The following CDH13 variants were observed in gnomAD, a reference collection of about 807,000 sequenced individuals.
The protein encoded by CDH13 is cadherin 13, also known as cadherin-13.
CDH13 carries 24 observed loss-of-function variants against 63.8 expected under a neutral mutation model. The ratio of observed to expected loss-of-function variants is 0.38; its 90% CI spans 0.27 to 0.53. CDH13 has a LOEUF of 0.53. Ranked by LOEUF, CDH13 falls within the 20% of genes least tolerant of loss-of-function variation. The pLI is 0.85. For synonymous variants in CDH13, 503 were observed against 355.3 expected, an observed-to-expected ratio of 1.42 and a Z score of -4.67; for missense variants, 1,049 against 903.1, an observed-to-expected ratio of 1.16 and a Z score of -2.07.
intron 2 of CDH13, chr16:82,859,141 C>G (rs1323991634): frequency 1.3e-5 from 2 of 152,154 alleles, no homozygotes; most frequent in Non-Finnish European, 1.5e-5. Flanking sequence ...AAATGCATAA[C>G]AAGTACAGTT....
chr16:83,560,923 AG>A (rs2075694198), intron 7 of CDH13, among the ~76,000 whole-genome samples: 1 of 150,620 alleles, frequency 6.6e-6, no homozygotes, highest in Non-Finnish European at 1.5e-5. Flanking sequence ...CCAGGGGCTG[AG>A]GGTTGGGCAG....
intron 5 of CDH13, among the ~76,000 whole-genome samples, chr16:83,308,343 C>A (rs777010824): frequency 6.6e-6 from 1 of 152,074 alleles, no homozygotes; most frequent in Non-Finnish European, 1.5e-5. Context: ...GCTAGTTGAT[C>A]GAGAAAATAT....
At chr16:82,969,478 C>CTTTTTT (rs10652088) in intron 2 of CDH13, among the ~76,000 whole-genome samples, 1 of 131,180 alleles carries the variant, frequency 7.6e-6, no homozygotes, top group African/African-American at 2.8e-5. Flanking sequence ...TCTGCATATT[C>CTTTTTT]TTTTTTTTTT....
intron 5 of CDH13, among the ~76,000 whole-genome samples, chr16:83,302,346 G>A (rs1379805169): frequency 1.3e-5 from 2 of 152,154 alleles, no homozygotes; most frequent in Non-Finnish European, 2.9e-5. Flanking sequence ...ATAATTCCAT[G>A]GCAATCAAAT....
intron 6 of CDH13, among the ~76,000 whole-genome samples, chr16:83,459,613 C>G (rs1011579619): frequency 2.6e-5 from 4 of 152,196 alleles, no homozygotes; most frequent in Non-Finnish European, 4.4e-5. Flanking sequence ...AAATGGCTGA[C>G]AGATTCGCAG....
chr16:83,239,777 C>T (rs2151813323), intron 5 of CDH13, among the ~76,000 whole-genome samples: 1 of 152,230 alleles, frequency 6.6e-6, no homozygotes, highest in African/African-American at 2.4e-5. Flanking sequence ...AGTTTCCACC[C>T]TCAGGGAACT....
At chr16:82,739,148 A>G (rs919950673) in intron 1 of CDH13, among the ~76,000 whole-genome samples, 2 of 152,218 alleles carry the variant, frequency 1.3e-5, no homozygotes, top group African/African-American at 4.8e-5. Context: ...ATAACATTTT[A>G]TTCTTTACAA....
At chr16:83,269,715 A>C (rs1248731343) in intron 5 of CDH13, among the ~76,000 whole-genome samples, 2 of 152,148 alleles carry the variant, frequency 1.3e-5, no homozygotes, top group Non-Finnish European at 2.9e-5. Flanking sequence ...CCATGACATC[A>C]TCCTCTTTGA....
intron 5 of CDH13, among the ~76,000 whole-genome samples, chr16:83,283,617 G>T (rs916816122): frequency 6.6e-6 from 1 of 152,140 alleles, no homozygotes; most frequent in East Asian, 1.9e-4. Flanking sequence ...ACAGGAGATT[G>T]TAATGTGCAG....
At chr16:82,982,414 T>C (rs1250093734) in intron 2 of CDH13, among the ~76,000 whole-genome samples, 2 of 152,218 alleles carry the variant, frequency 1.3e-5, no homozygotes, top group East Asian at 1.9e-4. Flanking sequence ...TTATCATACA[T>C]TTCTGGAGCT....
intron 4 of CDH13, among the ~76,000 whole-genome samples, chr16:83,172,107 ATT>A (rs2037943971): frequency 6.6e-6 from 1 of 152,138 alleles, no homozygotes; most frequent in Non-Finnish European, 1.5e-5. Flanking sequence ...AACTGAGGTC[ATT>A]TGAGTAGACC....
intron 11 of CDH13, among the ~76,000 whole-genome samples, chr16:83,759,142 C>T (rs904997275): frequency 9.9e-5 from 15 of 152,144 alleles, no homozygotes; most frequent in Admixed American, 2.6e-4. Flanking sequence ...TATATCCAGA[C>T]GTATTAGAAA....
intron 6 of CDH13, among the ~76,000 whole-genome samples, chr16:83,467,613 A>G (rs867286938): frequency 2.6e-4 from 39 of 152,296 alleles, no homozygotes; most frequent in Admixed American, 1.6e-3. Context: ...CTGACGCTGA[A>G]ACTTTCTTTG....
chr16:83,183,132 A>G (rs1304494819), intron 4 of CDH13, among the ~76,000 whole-genome samples: 1 of 152,226 alleles, frequency 6.6e-6, no homozygotes, highest in African/African-American at 2.4e-5. Flanking sequence ...ATTTAAGGGA[A>G]CTATTCGTCT....
intron 5 of CDH13, among the ~76,000 whole-genome samples, chr16:83,251,323 T>C (rs1238379073): frequency 6.6e-6 from 1 of 152,230 alleles, no homozygotes. Context: ...GACATCATGT[T>C]AAGTATTTTA....
chr16:83,435,271 T>C (rs1023295979), intron 6 of CDH13, among the ~76,000 whole-genome samples: 36 of 152,246 alleles, frequency 2.4e-4, no homozygotes, highest in African/African-American at 8.2e-4. Context: ...CTCAAACTCC[T>C]GACTTCAGGT....
intron 10 of CDH13, among the ~76,000 whole-genome samples, chr16:83,723,222 T>C (rs189929111): frequency 1.1e-4 from 17 of 152,352 alleles, no homozygotes; most frequent in African/African-American, 4.1e-4. Context: ...AGCTACCTCA[T>C]GCCAAGGACC....
intron 5 of CDH13, among the ~76,000 whole-genome samples, chr16:83,317,522 C>T (rs17210046): frequency 0.12 from 18,620 of 152,064 alleles, 1,405 homozygotes; most frequent in Admixed American, 0.17. Context: ...TGGCAGTGAG[C>T]GCCAGTCAAG....
intron 1 of CDH13, among the ~76,000 whole-genome samples, chr16:82,786,198 G>T (rs1158323121): frequency 1.3e-5 from 2 of 152,144 alleles, no homozygotes; most frequent in African/African-American, 2.4e-5. Context: ...AAGTTTAGAA[G>T]TAGAAGGCAA....
Sources: allele counts gnomAD v4.1 joint callset (sites outside exome capture counted in the v4.1 genomes callset), GRCh38; gene constraint gnomAD v4.1.1; transcripts MANE v1.5; gene names NCBI Gene and HGNC (gene_info 2026-07-23, HGNC 2026-07-21).